Variants in ITGAE observed in about 807,000 individuals in gnomAD.
ITGAE encodes integrin alpha-E.
Under a neutral mutation model 136.5 loss-of-function variants are expected in ITGAE, and 99 were observed. The observed-to-expected ratio is 0.73, with a 90% CI of 0.62 to 0.86. The LOEUF is 0.86. Among genes scored for constraint, ITGAE ranks in the 40% least tolerant of loss-of-function variants. ITGAE has a pLI of 0.00. For synonymous variants in ITGAE, 613 were observed against 591.8 expected (o/e 1.04, Z -0.52); for missense variants, 1,447 against 1,515.3 (o/e 0.95, Z 0.75).
At chr17:3,740,384 T>C (rs1162864111) in intron 19 of ITGAE, among the ~76,000 whole-genome samples, 1 of 152,154 alleles carries the variant, frequency 6.6e-6, no homozygotes, top group East Asian at 1.9e-4. Context: ...GGTTGTTTGT[T>C]TGTTTGTTTT....
Position 3,796,148 on chromosome 17 carries a change from C to CGTGTGTGTGTGCATCCGTGTGTGTGT in ITGAE, c.34+4962_34+4963insACACACACACGGATGCACACACACAC, listed in dbSNP as rs1567565760. ...GTGTGTGCATCCATGTGTGTGCATC[C>CGTGTGTGTGTGCATCCGTGTGTGTGT]GTGTGTGTGTGTGTGTGCATCCGTG... is the stretch of plus-strand genomic sequence containing the variant. On this transcript the variant is annotated intron_variant, in intron 1 of 30. Coordinates refer to ENST00000263087, the MANE Select transcript of ITGAE (RefSeq NM_002208.5). 1.2e-4 allele frequency among the ~76,000 whole-genome samples: 16 copies of CGTGTGTGTGTGCATCCGTGTGTGTGT among 130,388 alleles called. 2 individuals are homozygous for CGTGTGTGTGTGCATCCGTGTGTGTGT. Among genetic ancestry groups the CGTGTGTGTGTGCATCCGTGTGTGTGT allele is most frequent in the Non-Finnish European group, 2.6e-4 (16 of 61,888 alleles). 85.5% of individuals were successfully genotyped at this position (130,388 alleles called of 152,430 possible).
At chr17:3,754,809 A>G (rs1178456582) in intron 12 of ITGAE, 1 of 217,412 alleles carries the variant, frequency 4.6e-6, no homozygotes, top group Non-Finnish European at 8.7e-6. Context: ...GCCCTCACCC[A>G]GGTGGTCTCC....
At position 3,799,386 on chromosome 17, in the gene ITGAE, G is replaced by T. The variant is rs1423536669; in HGVS notation, c.34+1725C>A. Reference sequence around the variant, plus strand: ...GTCTGCTCCATCATCGCTCTCTGCTGCCCATCAGCTTGGGAAGGGCCTAGG... The same window carrying T: ...GTCTGCTCCATCATCGCTCTCTGCTTCCCATCAGCTTGGGAAGGGCCTAGG... On this transcript the variant is annotated intron_variant, in intron 1 of 30. Transcript: ENST00000263087. The surrounding 1 kb of genome is among the most constrained non-coding windows in gnomAD (Gnocchi z 4.1). Among the ~76,000 whole-genome samples the T allele has an allele frequency of 1.3e-5, 2 of 152,116 alleles. No homozygotes were observed. The highest frequency in any genetic ancestry group is 1.3e-4 in the Admixed American group (2 of 15,258).
rs375637504 is a variant in ITGAE, at chr17:3,731,028, C to T, written c.2834+76G>A. On this transcript the variant is annotated intron_variant, in intron 23 of 30. Transcript: ENST00000263087. ...CCTGGGCTGTAAGGGGGCCGTTCCT[C>T]TCACAGCGTGCATGTGGCAGGGAGA... 2.8e-3 allele frequency: 3,421 copies of T among 1,240,714 alleles called. 113 individuals carry two copies. The South Asian group carries it at 0.04, about 15-fold the overall frequency. 76.9% of individuals were successfully genotyped at this position (1,240,714 alleles called of 1,614,324 possible).
In ITGAE at chr17:3,761,236, C is replaced by T. The variant is rs547571845; in HGVS notation, c.434-59G>A. ...GAAAGGCTCCATCCTCGCCTGAGCA[C>T]GCTCACACATGGTTCTGCCCTGATT... On this transcript the variant is annotated intron_variant, in intron 5 of 30. Coordinates refer to ENST00000263087, the MANE Select transcript of ITGAE (RefSeq NM_002208.5). The T allele has an allele frequency of 2.1e-4, 329 of 1,583,286 alleles. 6 individuals carry two copies. In the South Asian group the frequency reaches 2.3e-3, roughly 11 times the overall value.
chr17:3,727,403 CT>C (rs34753665), intron 26 of ITGAE, among the ~76,000 whole-genome samples: 43,668 of 141,162 alleles, frequency 0.31, 7,900 homozygotes, highest in African/African-American at 0.54. Flanking sequence ...TTAATTTTTG[CT>C]TTTTTTTTTT....
intron 12 of ITGAE, chr17:3,754,709 C>G (rs868516814): frequency 4.0e-6 from 1 of 251,698 alleles, no homozygotes; most frequent in Non-Finnish European, 7.9e-6. Context: ...CCAGGTCCCG[C>G]CCCCATCCGG....
intron 29 of ITGAE, among the ~76,000 whole-genome samples, chr17:3,719,695 A>T (rs931433332): frequency 2.0e-5 from 3 of 151,626 alleles, no homozygotes; most frequent in African/African-American, 7.3e-5. Flanking sequence ...TGGATACAAA[A>T]AACAATTTCT....
At chr17:3,757,414 G>A (rs1420751536) in intron 9 of ITGAE, among the ~76,000 whole-genome samples, 1 of 152,092 alleles carries the variant, frequency 6.6e-6, no homozygotes, top group Admixed American at 6.6e-5. Context: ...TGTGCCCTAG[G>A]CCAGCTACTC....
At chr17:3,730,858 G>A (rs751904854) in intron 23 of ITGAE, among the ~76,000 whole-genome samples, 1 of 152,174 alleles carries the variant, frequency 6.6e-6, no homozygotes, top group Non-Finnish European at 1.5e-5. Context: ...CAGAACTCCA[G>A]GGCTCATTCC....
At chr17:3,786,409 A>G (rs1228932038) in intron 1 of ITGAE, among the ~76,000 whole-genome samples, 2 of 152,214 alleles carry the variant, frequency 1.3e-5, no homozygotes, top group African/African-American at 4.8e-5. Flanking sequence ...TGCCAAGTTT[A>G]TATAAACTGT....
chr17:3,725,032 C>A, intron 26 of ITGAE: 1 of 1,614,210 alleles, frequency 6.2e-7, no homozygotes, highest in South Asian at 1.1e-5. Flanking sequence ...GGAAAAGATT[C>A]GTTCCCCACC....
chr17:3,799,350 T>C lies in ITGAE; in HGVS notation c.34+1761A>G, dbSNP rs1228256981. Among the ~76,000 whole-genome samples the C allele has an allele frequency of 1.3e-5, 2 of 152,104 alleles. No homozygotes were observed. Among genetic ancestry groups the C allele is most frequent in the Non-Finnish European group, 2.9e-5 (2 of 68,018 alleles). Reference sequence around the variant, plus strand: ...CTGAGCTGAGCTGTGGGCTAAGTGGTCTCATGGCAAGTCTGCTCCATCATC... The same window carrying C: ...CTGAGCTGAGCTGTGGGCTAAGTGGCCTCATGGCAAGTCTGCTCCATCATC... On this transcript the variant is annotated intron_variant, in intron 1 of 30. Coordinates refer to ENST00000263087, the MANE Select transcript of ITGAE (RefSeq NM_002208.5). This position sits in a 1 kb window ranked among gnomAD's most constrained non-coding sequence, Gnocchi z 4.1.
intron 28 of ITGAE, among the ~76,000 whole-genome samples, chr17:3,721,319 C>T (rs1412749140): frequency 7.9e-6 from 1 of 126,834 alleles, no homozygotes; most frequent in Non-Finnish European, 1.6e-5. Flanking sequence ...TTACTCGGGC[C>T]GGAATGGAGT....
chr17:3,747,533 T>C (rs1567529224), intron 17 of ITGAE, among the ~76,000 whole-genome samples: 1 of 152,046 alleles, frequency 6.6e-6, no homozygotes, highest in Non-Finnish European at 1.5e-5. Context: ...ATGGTCTCGA[T>C]CTCCTGACCG....
chr17:3,765,818 T>C (rs1219178123), intron 2 of ITGAE, among the ~76,000 whole-genome samples: 1 of 152,096 alleles, frequency 6.6e-6, no homozygotes, highest in South Asian at 2.1e-4. Flanking sequence ...ATCTGGGGGC[T>C]GGGTCACTGT....
intron 26 of ITGAE, chr17:3,725,479 T>C: frequency 1.2e-6 from 2 of 1,614,184 alleles, no homozygotes; most frequent in Non-Finnish European, 8.5e-7. Flanking sequence ...ATCATTGCTA[T>C]TGAAGGACCA....
intron 1 of ITGAE, among the ~76,000 whole-genome samples, chr17:3,791,529 A>G (rs1260635848): frequency 6.6e-6 from 1 of 152,064 alleles, no homozygotes; most frequent in Non-Finnish European, 1.5e-5. Context: ...GTGATCCACC[A>G]GCCTCAGCCT....
Position 3,751,664 on chromosome 17 carries a change from C to T in ITGAE, c.1879G>A (p.Ala627Thr), listed in dbSNP as rs369877203. The T allele has an allele frequency of 3.7e-5, 60 of 1,613,486 alleles. No individual in the cohort carries two copies. The highest frequency in any genetic ancestry group is 9.4e-5 in the African/African-American group (7 of 74,832). Residue 627 changes from alanine (A) to threonine (T), a missense_variant, in exon 15 of 31, where the codon GCC (alanine) becomes ACC (threonine). By Grantham distance (58) the Ala-to-Thr change is moderately conservative (BLOSUM62 0). Coordinates refer to ENST00000263087, the MANE Select transcript of ITGAE (RefSeq NM_002208.5). ...IYNGHWDGLS[A>T]SPSQRIRAST... The stretch of plus-strand genomic sequence containing the variant: ...CCATGGGTCACCTGCGAGGGGCTGG[C>T]GGAGAGGCCGTCCCAGTGTCCATTG...
Sources: gnomAD v4.1 joint callset for allele counts (sites outside exome capture counted in the v4.1 genomes callset) on GRCh38, gnomAD v4.1.1 for gene constraint, Gnocchi (gnomAD v3.1) non-coding constraint, MANE v1.5 for transcripts, NCBI Gene and HGNC (gene_info 2026-07-23, HGNC 2026-07-21) for gene names.